Variants in HPSE2 observed in about 807,000 individuals in gnomAD.
The protein encoded by HPSE2 is inactive heparanase-2.
In HPSE2, 38 loss-of-function variants were observed where a neutral mutation model predicts 60.5. The observed-to-expected ratio is 0.63, with a 90% confidence interval of 0.48 to 0.82. HPSE2 has a LOEUF of 0.82. HPSE2 is among the 40% of genes least tolerant of loss of function. The probability of loss-of-function intolerance (pLI) is 0.00; values close to 1 mark genes in which losing one functional copy is unlikely to be tolerated. For synonymous variants in HPSE2, 295 were observed against 293.2 expected (o/e 1.01, Z -0.06); for missense variants, 713 against 740.4 (o/e 0.96, Z 0.43).
intron 3 of HPSE2, among the ~76,000 whole-genome samples, chr10:98,991,452 C>T (rs1956522130): frequency 1.3e-5 from 2 of 151,960 alleles, no homozygotes; most frequent in Admixed American, 6.6e-5. Context: ...AGTAAAGAGG[C>T]CAATGAATAT....
At chr10:98,890,471 TATG>T (rs1236239336) in intron 3 of HPSE2, among the ~76,000 whole-genome samples, 1 of 152,206 alleles carries the variant, frequency 6.6e-6, no homozygotes, top group Non-Finnish European at 1.5e-5. Flanking sequence ...GCCTGTACAT[TATG>T]ATTTTAACTA....
At chr10:98,740,637 A>G (rs1030758182) in intron 4 of HPSE2, among the ~76,000 whole-genome samples, 1 of 152,240 alleles carries the variant, frequency 6.6e-6, no homozygotes, top group African/African-American at 2.4e-5. Flanking sequence ...CCACTCTAGA[A>G]GAAACAATCA....
At chr10:98,549,609 C>G (rs1022455196) in intron 9 of HPSE2, among the ~76,000 whole-genome samples, 1 of 152,208 alleles carries the variant, frequency 6.6e-6, no homozygotes. Flanking sequence ...AAATCACCTA[C>G]CCACTTGTTT....
rs149494906 is a variant in HPSE2 at position 98,557,644 on chromosome 10, T to A, written c.1320+57260A>T. Among the ~76,000 whole-genome samples, 259 of 152,298 alleles carry A rather than the reference T, an allele frequency of 1.7e-3. 1 individual carries two copies. Among genetic ancestry groups the A allele is most frequent in the African/African-American group, 6.1e-3 (252 of 41,562 alleles). On this transcript the variant is annotated intron_variant, in intron 9 of 11. Transcript: ENST00000370552. ...CTGGACAATGTTAAAGTTAAGAATGTGTGTTTATCAAAAGACACCATTGAG... is the reference window on the plus strand; with the variant it reads ...CTGGACAATGTTAAAGTTAAGAATGAGTGTTTATCAAAAGACACCATTGAG...
intron 2 of HPSE2, among the ~76,000 whole-genome samples, chr10:99,186,485 G>A (rs537078607): frequency 1.4e-5 from 2 of 140,566 alleles, no homozygotes; most frequent in Non-Finnish European, 3.0e-5. Context: ...GGAGGTTACA[G>A]TGAGCCAAGA....
At chr10:98,987,122 A>G (rs1443742850) in intron 3 of HPSE2, among the ~76,000 whole-genome samples, 1 of 152,134 alleles carries the variant, frequency 6.6e-6, no homozygotes, top group East Asian at 1.9e-4. Flanking sequence ...AAAAAGAGGG[A>G]ATCCTCCCTA....
chr10:98,537,669 C>T (rs375671734), intron 9 of HPSE2, among the ~76,000 whole-genome samples: 17 of 152,142 alleles, frequency 1.1e-4, no homozygotes, highest in Admixed American at 1.3e-4. Context: ...CTTGGTCAAG[C>T]GGTAACGCCA....
chr10:99,051,720 G>A (rs1957995575), intron 3 of HPSE2, among the ~76,000 whole-genome samples: 1 of 152,156 alleles, frequency 6.6e-6, no homozygotes. Flanking sequence ...GGGAGAGTGT[G>A]TTTTAAGTTT....
At chr10:99,275,425 T>A in the HPSE2 span, among the ~76,000 whole-genome samples, 1 of 151,934 alleles carries the variant, frequency 6.6e-6, no homozygotes, top group Non-Finnish European at 1.5e-5. Flanking sequence ...AATGTATTAT[T>A]TAACTTGGGA....
At chr10:99,123,899 T>C (rs908960494) in intron 3 of HPSE2, among the ~76,000 whole-genome samples, 1 of 152,030 alleles carries the variant, frequency 6.6e-6, no homozygotes, top group Non-Finnish European at 1.5e-5. Context: ...CAGCTCTCAG[T>C]GGAGAGGAGA....
intron 3 of HPSE2, among the ~76,000 whole-genome samples, chr10:99,038,769 T>C (rs1157811550): frequency 6.6e-6 from 1 of 152,186 alleles, no homozygotes; most frequent in African/African-American, 2.4e-5. Context: ...CTCTCTATTA[T>C]CTTTGCAACT....
At chr10:99,151,982 T>A (rs566136301) in intron 2 of HPSE2, among the ~76,000 whole-genome samples, 1 of 151,640 alleles carries the variant, frequency 6.6e-6, no homozygotes. Context: ...AAACTATCAT[T>A]CAAAAATGCA....
intron 3 of HPSE2, among the ~76,000 whole-genome samples, chr10:98,873,754 G>T (rs928894810): frequency 6.6e-5 from 10 of 151,960 alleles, no homozygotes; most frequent in Non-Finnish European, 1.5e-4. Context: ...TGGGTCAAAT[G>T]GTATTTCTCG....
chr10:98,789,906 G>T (rs2134478015), intron 3 of HPSE2, among the ~76,000 whole-genome samples: 1 of 152,260 alleles, frequency 6.6e-6, no homozygotes, highest in South Asian at 2.1e-4. Context: ...CGTAATAGTT[G>T]AATCACAATT....
chr10:98,912,381 T>C (rs991710223), intron 3 of HPSE2, among the ~76,000 whole-genome samples: 4 of 152,192 alleles, frequency 2.6e-5, no homozygotes, highest in Admixed American at 2.0e-4. Flanking sequence ...AGATTCTCCA[T>C]TCAGGTTCCT....
chr10:98,956,104 T>A (rs1034493313), intron 3 of HPSE2, among the ~76,000 whole-genome samples: 19 of 152,196 alleles, frequency 1.2e-4, no homozygotes, highest in African/African-American at 4.6e-4. Context: ...ATCCCAGAAC[T>A]TAAATTAAAT....
the HPSE2 span, among the ~76,000 whole-genome samples, chr10:99,278,019 C>T: frequency 6.6e-6 from 1 of 150,694 alleles, no homozygotes; most frequent in Admixed American, 6.6e-5. Flanking sequence ...ATCGCTTGAA[C>T]CCAGGAGGCG....
rs142048245 is a variant in HPSE2 at position 98,639,169 on chromosome 10, C to G, written c.1098+2678G>C. Among the ~76,000 whole-genome samples, 562 of 152,256 alleles carry G rather than the reference C, an allele frequency of 3.7e-3. 2 individuals are homozygous for G. Among genetic ancestry groups the G allele is most frequent in the African/African-American group, 0.013 (543 of 41,550 alleles). The stretch of plus-strand genomic sequence containing the variant: ...ATCACGTGTCAGAGACGGGAGTGAA[C>G]AAGCCTTCTGATGGTCCCAGATACT... On this transcript the variant is annotated intron_variant, in intron 7 of 11. Coordinates refer to ENST00000370552, the MANE Select transcript of HPSE2 (RefSeq NM_021828.5).
the HPSE2 span, among the ~76,000 whole-genome samples, chr10:99,263,436 C>T: frequency 4.3e-4 from 66 of 152,296 alleles, no homozygotes; most frequent in Non-Finnish European, 6.8e-4. Context: ...AAAGAGGTTT[C>T]CTCGCTACGC....
Sources: gnomAD v4.1 joint callset for allele counts (sites outside exome capture counted in the v4.1 genomes callset) on GRCh38, gnomAD v4.1.1 for gene constraint, MANE v1.5 for transcripts, NCBI Gene and HGNC (gene_info 2026-07-23, HGNC 2026-07-21) for gene names.